The following ZZEF1 variants were observed in gnomAD, a reference collection of about 807,000 sequenced individuals.
The protein encoded by ZZEF1 is zinc finger ZZ-type and EF-hand domain containing 1.
ZZEF1 carries 157 observed loss-of-function variants against 342.8 expected under a neutral mutation model. That is an observed-to-expected ratio of 0.46 (90% CI 0.40 to 0.52). ZZEF1 has a LOEUF of 0.52. Ranked by LOEUF, ZZEF1 falls within the 20% of genes least tolerant of loss-of-function variation. The pLI, the probability that ZZEF1 is intolerant of heterozygous loss-of-function variation, is 0.00. For synonymous variants in ZZEF1, 1,505 were observed against 1,429.1 expected, an observed-to-expected ratio of 1.05 and a Z score of -1.20; for missense variants, 3,480 against 3,725.6, an observed-to-expected ratio of 0.93 and a Z score of 1.72.
intron 21 of ZZEF1, 124 bp downstream of exon 21, chr17:4,076,513 A>G (rs1234109354): frequency 7.7e-7 from 1 of 1,294,652 alleles, no homozygotes; most frequent in East Asian, 2.5e-5. Context: ...CACTGATAAA[A>G]TCAAGGGAGC....
At chr17:4,010,957 C>G (rs1436273370) in intron 52 of ZZEF1, among the ~76,000 whole-genome samples, 1 of 151,792 alleles carries the variant, frequency 6.6e-6, no homozygotes, top group Non-Finnish European at 1.5e-5. Context: ...AGCGTGGTGG[C>G]TCATATTTAT....
chr17:4,074,413 C>T lies in ZZEF1; in HGVS notation c.3484-62G>A. On this transcript the variant is annotated intron_variant, in intron 23 of 54. Transcript: ENST00000381638. ...AGAGGAGGAGTGCTTCAGAAATCAG[C>T]ATGCTCTTCATGACGAGAAACATCT... is the stretch of plus-strand genomic sequence containing the variant. 3 of 1,511,512 alleles carry T rather than the reference C, an allele frequency of 2.0e-6. No homozygotes were observed. In the South Asian group the frequency reaches 3.4e-5, roughly 17 times the overall value. 93.6% of individuals were successfully genotyped at this position (1,511,512 alleles called of 1,614,324 possible).
intron 37 of ZZEF1, among the ~76,000 whole-genome samples, chr17:4,047,329 A>T (rs181726885): frequency 1.3e-5 from 2 of 152,382 alleles, no homozygotes; most frequent in East Asian, 1.9e-4. Context: ...CACTGCCCAA[A>T]CATGGGACAA....
At chr17:4,093,057 G>T (rs370634828) in intron 11 of ZZEF1, among the ~76,000 whole-genome samples, 1 of 151,884 alleles carries the variant, frequency 6.6e-6, no homozygotes, top group African/African-American at 2.4e-5. Context: ...ACAAAATCAC[G>T]ATTTAAGAGT....
Position 4,039,468 on chromosome 17 carries a change from TCAAA to T in ZZEF1, c.6306+2957_6306+2960del, listed in dbSNP as rs113389421. On this transcript the variant is annotated intron_variant, in intron 39 of 54. Transcript: ENST00000381638. Reference sequence around the variant, plus strand: ...CTGGGGGACAGAGTGAGACACCATCTCAAACAAACAAACAAACAAACAAACAAAT... The same window carrying T: ...CTGGGGGACAGAGTGAGACACCATCTCAAACAAACAAACAAACAAACAAAT... 5.6e-4 allele frequency among the ~76,000 whole-genome samples: 84 copies of T among 150,160 alleles called. No homozygotes were observed. In the South Asian group the frequency reaches 7.3e-3, roughly 13 times the overall value.
intron 6 of ZZEF1, among the ~76,000 whole-genome samples, chr17:4,107,493 G>A (rs2058231352): frequency 6.6e-6 from 1 of 152,152 alleles, no homozygotes; most frequent in Admixed American, 6.5e-5. Context: ...GATATGGAAT[G>A]CAGGCACCAA....
At chr17:4,062,711 G>C in intron 30 of ZZEF1, 42 bp downstream of exon 30, 1 of 1,529,178 alleles carries the variant, frequency 6.5e-7, no homozygotes, top group Non-Finnish European at 8.8e-7. Flanking sequence ...TATTTACAAT[G>C]ATCTTTGCTG....
rs142020410 is a variant in ZZEF1, at chr17:4,014,471, G to A, written c.8190C>T (p.Phe2730=). ...CCTCCTCTGTGTTGCACTGAGAGTC[G>A]AATTTGATTGAGAGGTAGATGGCAC... ...IPGAIYLSIK[F]DSQCNTEEGC... is the part of the protein sequence containing the mutation. Residue 2730 remains phenylalanine, a synonymous_variant, in exon 50 of 55, where the codon TTC becomes TTT. Coordinates refer to ENST00000381638, the MANE Select transcript of ZZEF1 (RefSeq NM_015113.4). This position sits in a 1 kb window ranked among gnomAD's most constrained non-coding sequence, Gnocchi z 4.4. The A allele has an allele frequency of 7.8e-5, 126 of 1,614,084 alleles. No individual in the cohort carries two copies. Among genetic ancestry groups the A allele is most frequent in the East Asian group, 1.8e-4 (8 of 44,900 alleles).
intron 1 of ZZEF1, among the ~76,000 whole-genome samples, chr17:4,129,358 C>T (rs1418639985): frequency 6.6e-6 from 1 of 152,154 alleles, no homozygotes; most frequent in Admixed American, 6.5e-5. Flanking sequence ...TACCATTTGA[C>T]CCAGCAATCC....
intron 2 of ZZEF1, among the ~76,000 whole-genome samples, chr17:4,122,195 G>A (rs2058494229): frequency 6.6e-6 from 1 of 152,116 alleles, no homozygotes; most frequent in Non-Finnish European, 1.5e-5. Flanking sequence ...CAAGTGCACA[G>A]AGCAGGAAAA....
chr17:4,099,967 C>A (rs1213163618), intron 9 of ZZEF1, among the ~76,000 whole-genome samples: 1 of 152,190 alleles, frequency 6.6e-6, no homozygotes, highest in African/African-American at 2.4e-5. Context: ...AATAAATCTA[C>A]CACTTCTGCT....
intron 25 of ZZEF1, among the ~76,000 whole-genome samples, chr17:4,071,913 G>T (rs374052599): frequency 3.9e-5 from 6 of 152,246 alleles, no homozygotes; most frequent in African/African-American, 1.4e-4. Context: ...GGTGGGCTGT[G>T]GGGAAGGGAA....
Position 4,086,528 on chromosome 17 carries a change from C to T in ZZEF1, c.2470G>A (p.Gly824Arg), listed in dbSNP as rs753200405. Residue 824 changes from glycine to arginine, a missense_variant, in exon 15 of 55, where the codon GGA (glycine) becomes AGA (arginine). Transcript: ENST00000381638. Reference sequence around the variant, plus strand: ...TACAGCTCCTTGGCAGCCTCTACTCCTTTAGGGCTTTGGATTGGAGCCTTT... The same window carrying T: ...TACAGCTCCTTGGCAGCCTCTACTCTTTTAGGGCTTTGGATTGGAGCCTTT... ...EEKAPIQSPK[G>R]VEAAKELYTH... 72 of 1,614,112 alleles carry T rather than the reference C, an allele frequency of 4.5e-5. No individual in the cohort carries two copies. In the Middle Eastern group the frequency reaches 8.2e-4, roughly 18 times the overall value.
rs2058332545 is a variant in ZZEF1, at chr17:4,112,640, C to T, written c.1035G>A (p.Thr345=). 4 of 1,614,196 alleles carry T rather than the reference C, an allele frequency of 2.5e-6. No homozygotes were observed. The highest frequency in any genetic ancestry group is 1.3e-5 in the African/African-American group (1 of 75,060). ...GACTGACGTTGGCATTTTCCAGCAG[C>T]GTCACATAGCCAGTGACATTGCTGG... ...HIPSNVTGYV[T]LLENANVSQL... is the part of the protein sequence containing the mutation. The change falls in exon 5 of 55, where the codon ACG becomes ACA. Residue 345 remains threonine (T), a synonymous_variant. Coordinates refer to ENST00000381638, the MANE Select transcript of ZZEF1 (RefSeq NM_015113.4).
intron 16 of ZZEF1, among the ~76,000 whole-genome samples, chr17:4,084,657 A>C (rs2057786227): frequency 6.6e-6 from 1 of 152,250 alleles, no homozygotes; most frequent in Admixed American, 6.5e-5. Flanking sequence ...TTCATACAGA[A>C]ATACTTCCTT....
rs561491927 is a variant in ZZEF1 at position 4,006,331 on chromosome 17, C to T, written c.*559G>A. ...AAGGAGTTCTCTGGGAGGGTGCGGC[C>T]GTGCAGGGAGCTAGCTCGATGCCTG... On this transcript the variant is annotated 3_prime_UTR_variant, in exon 55 of 55. Transcript: ENST00000381638. 2.6e-4 allele frequency: 42 copies of T among 163,132 alleles called. No individual in the cohort carries two copies. Among genetic ancestry groups the T allele is most frequent in the Non-Finnish European group, 4.5e-4 (33 of 74,142 alleles). 10.1% of individuals were successfully genotyped at this position (163,132 alleles called of 1,614,324 possible).
In ZZEF1 at chr17:4,009,554, G is replaced by C. The variant is rs373659608; in HGVS notation, c.8733+50C>G. On this transcript the variant is annotated intron_variant, in intron 53 of 54. Coordinates refer to ENST00000381638, the MANE Select transcript of ZZEF1 (RefSeq NM_015113.4). ...GCTTCTGCCCTGGGTAGCAGAGGGA[G>C]CAAACGCACATGGAGGCACCGGGCT... is the stretch of plus-strand genomic sequence containing the variant. The C allele has an allele frequency of 3.0e-4, 489 of 1,608,526 alleles. 2 individuals are homozygous for C. Among genetic ancestry groups the C allele is most frequent in the South Asian group, 1.7e-3 (152 of 91,034 alleles).
intron 39 of ZZEF1, among the ~76,000 whole-genome samples, chr17:4,035,574 T>A (rs1267600103): frequency 1.3e-5 from 2 of 151,860 alleles, no homozygotes; most frequent in East Asian, 3.9e-4. Context: ...GCCTCTGGAG[T>A]TGGAGCTTGG....
chr17:4,135,985 T>C (rs2145610710), intron 1 of ZZEF1, among the ~76,000 whole-genome samples: 1 of 146,448 alleles, frequency 6.8e-6, no homozygotes, highest in South Asian at 2.2e-4. Context: ...CAATGTACTC[T>C]GATATTTTCT....
Sources: allele counts gnomAD v4.1 joint callset (sites outside exome capture counted in the v4.1 genomes callset), GRCh38; gene constraint gnomAD v4.1.1; non-coding constraint Gnocchi (gnomAD v3.1); transcripts MANE v1.5; gene names NCBI Gene and HGNC (gene_info 2026-07-23, HGNC 2026-07-21).